Variants in CDK19 observed in about 807,000 individuals in gnomAD.
CDK19 encodes cyclin-dependent kinase 19.
CDK19 carries 20 observed loss-of-function variants against 68.3 expected under a neutral mutation model. The ratio of observed to expected loss-of-function variants is 0.29; its 90% CI spans 0.21 to 0.43. The LOEUF is 0.43. CDK19 is among the 20% of genes least tolerant of loss of function. The probability of loss-of-function intolerance (pLI) is 1.00; values close to 1 mark genes in which losing one functional copy is unlikely to be tolerated. For missense variants in CDK19, 339 were observed against 623.5 expected (o/e 0.54, Z 4.86); for synonymous variants, 221 against 222.8 (o/e 0.99, Z 0.07).
intron 2 of CDK19, among the ~76,000 whole-genome samples, chr6:110,731,560 T>C (rs1422277065): frequency 6.6e-6 from 1 of 152,186 alleles, no homozygotes; most frequent in Admixed American, 6.6e-5. Flanking sequence ...TAAAAATGAA[T>C]GGATTATATA....
At position 110,797,984 on chromosome 6, in the gene CDK19, C is replaced by CA. The variant is rs56710819; in HGVS notation, c.128+17024dup. On this transcript the variant is annotated intron_variant, in intron 1 of 12. Coordinates refer to ENST00000368911, the MANE Select transcript of CDK19 (RefSeq NM_015076.5). The stretch of plus-strand genomic sequence containing the variant: ...TGGGCGACAGAGCAAGACTCCGTCT[C>CA]AAAAAAAAAAAAAAAAAAAAAGAAA... 8.3e-3 allele frequency among the ~76,000 whole-genome samples: 720 copies of CA among 87,034 alleles called. 13 individuals carry two copies. The highest frequency in any genetic ancestry group is 0.01 in the Non-Finnish European group (447 of 43,212). 57.1% of individuals were successfully genotyped at this position (87,034 alleles called of 152,430 possible). A position where few individuals can be genotyped will look rare whatever the true frequency, so the allele number is the denominator to read the frequency against.
chr6:110,629,489 G>A (rs1779304492), intron 6 of CDK19, among the ~76,000 whole-genome samples: 1 of 152,192 alleles, frequency 6.6e-6, no homozygotes, highest in Admixed American at 6.5e-5. Context: ...AGAATAGCTG[G>A]GATTATAGGC....
chr6:110,729,445 T>C (rs944474375), intron 2 of CDK19, among the ~76,000 whole-genome samples: 9 of 152,122 alleles, frequency 5.9e-5, no homozygotes, highest in Non-Finnish European at 8.8e-5. Flanking sequence ...TTATTTATTT[T>C]TGAGACAGAG....
At chr6:110,640,091 T>C (rs1278230438) in intron 4 of CDK19, among the ~76,000 whole-genome samples, 1 of 151,962 alleles carries the variant, frequency 6.6e-6, no homozygotes, top group African/African-American at 2.4e-5. Flanking sequence ...TGTGGTGGCA[T>C]GCACCTGGAG....
At position 110,733,389 on chromosome 6, in the gene CDK19, T is replaced by C. The variant is rs555995964; in HGVS notation, c.204+12737A>G. ...GATTTTCCCTTGTTTGGGGCTATTA[T>C]GAATAAAGCTGTTATGAACATCCTT... On this transcript the variant is annotated intron_variant, in intron 2 of 12. Transcript: ENST00000368911. Among the ~76,000 whole-genome samples the C allele has an allele frequency of 3.3e-5, 5 of 152,342 alleles. No individual in the cohort carries two copies. In the South Asian group the frequency reaches 1.0e-3, roughly 32 times the overall value.
chr6:110,707,325 G>T (rs985791442), intron 2 of CDK19, among the ~76,000 whole-genome samples: 10 of 151,948 alleles, frequency 6.6e-5, no homozygotes, highest in Non-Finnish European at 1.3e-4. Context: ...GACAGAGGGA[G>T]CCTCTGTCTC....
At chr6:110,654,291 T>C (rs1016050028) in intron 4 of CDK19, among the ~76,000 whole-genome samples, 1 of 152,248 alleles carries the variant, frequency 6.6e-6, no homozygotes, top group Non-Finnish European at 1.5e-5. Flanking sequence ...GGCAAAGAAC[T>C]ACCTAAGAGT....
At chr6:110,735,300 A>C (rs1055327516) in intron 2 of CDK19, among the ~76,000 whole-genome samples, 3 of 152,074 alleles carry the variant, frequency 2.0e-5, no homozygotes, top group Non-Finnish European at 4.4e-5. Flanking sequence ...ACAAAGTTTA[A>C]AATCTTCTAC....
intron 1 of CDK19, among the ~76,000 whole-genome samples, chr6:110,796,744 C>T (rs1244343444): frequency 6.6e-6 from 1 of 151,684 alleles, no homozygotes; most frequent in African/African-American, 2.4e-5. Context: ...CACGGTGACT[C>T]ACGCCTGTAA....
intron 4 of CDK19, among the ~76,000 whole-genome samples, chr6:110,663,717 G>A (rs1466694712): frequency 2.0e-5 from 3 of 152,038 alleles, no homozygotes; most frequent in East Asian, 1.9e-4. Context: ...TTTTTGTAGC[G>A]ATGGGGACTC....
chr6:110,634,256 G>A (rs762946332), intron 5 of CDK19, among the ~76,000 whole-genome samples: 6 of 152,222 alleles, frequency 3.9e-5, no homozygotes, highest in African/African-American at 7.2e-5. Context: ...TCGCTCTGTT[G>A]CCCAGGCTGG....
chr6:110,743,500 G>C (rs890824930), intron 2 of CDK19, among the ~76,000 whole-genome samples: 1 of 151,976 alleles, frequency 6.6e-6, no homozygotes, highest in Admixed American at 6.6e-5. Context: ...AAATGAGCTG[G>C]GCATGGTGGT....
chr6:110,629,122 T>C (rs1052627911), intron 6 of CDK19, among the ~76,000 whole-genome samples: 6 of 152,196 alleles, frequency 3.9e-5, no homozygotes, highest in Admixed American at 2.0e-4. Flanking sequence ...TGCATGTGCC[T>C]GGTCATGCCA....
At chr6:110,647,073 T>C (rs1223793712) in intron 4 of CDK19, among the ~76,000 whole-genome samples, 1 of 151,834 alleles carries the variant, frequency 6.6e-6, no homozygotes, top group Admixed American at 6.6e-5. Flanking sequence ...CTGCGCTGTC[T>C]ACACCCTCCT....
At chr6:110,778,786 A>T (rs983447673) in intron 1 of CDK19, among the ~76,000 whole-genome samples, 4 of 152,216 alleles carry the variant, frequency 2.6e-5, no homozygotes, top group African/African-American at 9.6e-5. Context: ...ATTAGCTAGA[A>T]GTGGAAGTCA....
intron 1 of CDK19, among the ~76,000 whole-genome samples, chr6:110,806,849 A>G (rs706928): frequency 0.34 from 51,473 of 151,642 alleles, 10,069 homozygotes; most frequent in East Asian, 0.68. Context: ...ATAGTGGTAT[A>G]TGCCTGTGGT....
At chr6:110,672,656 A>AT (rs1409817728) in intron 2 of CDK19, among the ~76,000 whole-genome samples, 7 of 152,274 alleles carry the variant, frequency 4.6e-5, no homozygotes, top group African/African-American at 1.7e-4. Flanking sequence ...ATGAATATAT[A>AT]TTTTATCCTC....
intron 4 of CDK19, among the ~76,000 whole-genome samples, chr6:110,652,212 C>T (rs533672400): frequency 2.0e-5 from 3 of 151,984 alleles, no homozygotes; most frequent in African/African-American, 7.2e-5. Flanking sequence ...GGTAAGAAAA[C>T]CTAGATAGCA....
chr6:110,626,883 T>C (rs567320760), intron 7 of CDK19, 38 bp from the exon 8 acceptor site: 6 of 1,402,614 alleles, frequency 4.3e-6, no homozygotes, highest in South Asian at 2.6e-5. Context: ...GAAAATAATG[T>C]GTTAATTTAA....
Sources: allele counts gnomAD v4.1 joint callset (sites outside exome capture counted in the v4.1 genomes callset), GRCh38; gene constraint gnomAD v4.1.1; transcripts MANE v1.5; gene names NCBI Gene and HGNC (gene_info 2026-07-23, HGNC 2026-07-21).